The following JAZF1 variants were observed in gnomAD, a reference collection of about 807,000 sequenced individuals.
The protein encoded by JAZF1 is juxtaposed with another zinc finger protein 1.
JAZF1 carries 8 observed loss-of-function variants against 26.4 expected under a neutral mutation model. The ratio of observed to expected loss-of-function variants is 0.30; its 90% CI spans 0.18 to 0.55. JAZF1 has a LOEUF of 0.55. Ranked by LOEUF, JAZF1 falls within the 20% of genes least tolerant of loss-of-function variation. JAZF1 has a pLI of 0.94. For synonymous variants in JAZF1, 126 were observed against 122.3 expected (o/e 1.03, Z -0.20); for missense variants, 199 against 322.0 (o/e 0.62, Z 2.92).
chr7:28,009,557 C>G (rs1782762962), intron 1 of JAZF1, among the ~76,000 whole-genome samples: 1 of 151,732 alleles, frequency 6.6e-6, no homozygotes, highest in South Asian at 2.1e-4. Flanking sequence ...GATCTCGGCT[C>G]ACTGCAACCT....
At chr7:28,121,162 C>T (rs368283594) in intron 1 of JAZF1, among the ~76,000 whole-genome samples, 4 of 142,874 alleles carry the variant, frequency 2.8e-5, no homozygotes, top group South Asian at 4.4e-4. Context: ...ATCGCACTAC[C>T]GCACAACAGA....
chr7:28,161,929 C>T (rs1783298664), intron 1 of JAZF1, among the ~76,000 whole-genome samples: 2 of 152,046 alleles, frequency 1.3e-5, no homozygotes, highest in Non-Finnish European at 2.9e-5. Context: ...ATATATAGTA[C>T]CTCCTTTGCA....
At chr7:28,165,145 G>A (rs1783349095) in intron 1 of JAZF1, among the ~76,000 whole-genome samples, 1 of 151,980 alleles carries the variant, frequency 6.6e-6, no homozygotes, top group African/African-American at 2.4e-5. Flanking sequence ...CTCCAGCCTG[G>A]GTGACAGAGT....
chr7:28,097,397 C>T (rs1181934221), intron 1 of JAZF1, among the ~76,000 whole-genome samples: 1 of 152,216 alleles, frequency 6.6e-6, no homozygotes, highest in Non-Finnish European at 1.5e-5. Context: ...ATGATTACAG[C>T]ATCAATTCAA....
intron 1 of JAZF1, among the ~76,000 whole-genome samples, chr7:28,119,744 G>A (rs1228932723): frequency 6.6e-6 from 1 of 152,156 alleles, no homozygotes; most frequent in Admixed American, 6.5e-5. Flanking sequence ...TAACTCAACA[G>A]ATATTTACTG....
At chr7:27,928,407 A>G (rs1784631688) in intron 2 of JAZF1, among the ~76,000 whole-genome samples, 1 of 152,248 alleles carries the variant, frequency 6.6e-6, no homozygotes, top group Admixed American at 6.5e-5. Context: ...TCCCAATGGA[A>G]AGCCAATTGC....
intron 2 of JAZF1, among the ~76,000 whole-genome samples, chr7:27,988,920 T>TAAAAAAAAAAAAAAAAAAAAAAA (rs57661404): frequency 2.4e-5 from 2 of 83,740 alleles, no homozygotes; most frequent in Non-Finnish European, 4.5e-5. Context: ...AGAATCTCTG[T>TAAAAAAAAAAAAAAAAAAAAAAA]AAAAAAAAAA....
rs1184771691 is a variant in JAZF1 at position 27,832,826 on chromosome 7, C to G, written c.706G>C (p.Glu236Gln). 2 of 1,603,114 alleles carry G rather than the reference C, an allele frequency of 1.2e-6. No homozygotes were observed. Among genetic ancestry groups the G allele is most frequent in the Non-Finnish European group, 1.7e-6 (2 of 1,173,972 alleles). Residue 236 changes from glutamate to glutamine, a missense_variant, in exon 5 of 5, where the codon GAG becomes CAG. By Grantham distance (29) the Glu-to-Gln change is conservative. Coordinates refer to ENST00000283928, the MANE Select transcript of JAZF1 (RefSeq NM_175061.4). Reference protein sequence around the residue: ...TINFHPPVSAEIIRKMQQ With the variant: ...TINFHPPVSAQIIRKMQQ ...TATTGCTGCATCTTCCTGATAATCT[C>G]AGCCGACACCGGGGGATGGAAATTG...
chr7:28,043,539 C>T (rs1287260279), intron 1 of JAZF1, among the ~76,000 whole-genome samples: 2 of 152,100 alleles, frequency 1.3e-5, no homozygotes, highest in Admixed American at 1.3e-4. Flanking sequence ...GTGAGTTAAA[C>T]GTTGCTCTAA....
intron 3 of JAZF1, among the ~76,000 whole-genome samples, chr7:27,849,752 G>GACACACAC (rs72394231): frequency 9.2e-6 from 1 of 108,444 alleles, no homozygotes; most frequent in African/African-American, 4.3e-5. Flanking sequence ...CTTACACACA[G>GACACACAC]ACACACACAC....
chr7:27,865,344 C>G (rs1228627409), intron 3 of JAZF1, among the ~76,000 whole-genome samples: 1 of 152,138 alleles, frequency 6.6e-6, no homozygotes, highest in Non-Finnish European at 1.5e-5. Context: ...GCACTGCAGC[C>G]TAGGTGACAG....
At chr7:28,016,197 G>A (rs1039084333) in intron 1 of JAZF1, among the ~76,000 whole-genome samples, 2 of 152,072 alleles carry the variant, frequency 1.3e-5, no homozygotes, top group Non-Finnish European at 1.5e-5. Flanking sequence ...CATGCCCCTC[G>A]CCCCAGTGGC....
intron 1 of JAZF1, among the ~76,000 whole-genome samples, chr7:28,065,483 T>A (rs1783866463): frequency 1.3e-5 from 2 of 152,164 alleles, no homozygotes; most frequent in Non-Finnish European, 1.5e-5. Context: ...ACACTTTGTT[T>A]ATTGCACAAT....
intron 1 of JAZF1, among the ~76,000 whole-genome samples, chr7:28,009,286 TGTCA>T (rs1198973624): frequency 6.6e-6 from 1 of 151,986 alleles, no homozygotes; most frequent in African/African-American, 2.4e-5. Context: ...CTACTCTGCC[TGTCA>T]ATCTCTCCTC....
chr7:28,085,108 T>C (rs761059061), intron 1 of JAZF1, among the ~76,000 whole-genome samples: 3 of 152,250 alleles, frequency 2.0e-5, no homozygotes, highest in Non-Finnish European at 2.9e-5. Flanking sequence ...CCCAGTATCA[T>C]GTATTCTGTT....
At chr7:28,115,780 A>G (rs1784732115) in intron 1 of JAZF1, among the ~76,000 whole-genome samples, 1 of 151,878 alleles carries the variant, frequency 6.6e-6, no homozygotes, top group African/African-American at 2.4e-5. Context: ...AAAAGTAACC[A>G]CTTTTATTGA....
chr7:27,905,517 T>C (rs1448098921), intron 2 of JAZF1, among the ~76,000 whole-genome samples: 1 of 151,680 alleles, frequency 6.6e-6, no homozygotes, highest in South Asian at 2.1e-4. Flanking sequence ...TTCCTTCATC[T>C]ACTGTCTTGA....
chr7:28,036,048 C>T (rs1783287295), intron 1 of JAZF1, among the ~76,000 whole-genome samples: 1 of 152,168 alleles, frequency 6.6e-6, no homozygotes, highest in South Asian at 2.1e-4. Flanking sequence ...TCTATAAGTA[C>T]ATGTATGTGA....
At chr7:27,930,617 T>G (rs1456679909) in intron 2 of JAZF1, among the ~76,000 whole-genome samples, 1 of 152,234 alleles carries the variant, frequency 6.6e-6, no homozygotes, top group Non-Finnish European at 1.5e-5. Flanking sequence ...GTGATATATT[T>G]TTTAAAAAGG....
Sources: gnomAD v4.1 joint callset for allele counts (sites outside exome capture counted in the v4.1 genomes callset) on GRCh38, gnomAD v4.1.1 for gene constraint, MANE v1.5 for transcripts, NCBI Gene and HGNC (gene_info 2026-07-23, HGNC 2026-07-21) for gene names.